Variants in HACE1 observed in about 807,000 individuals in gnomAD.
HACE1 encodes HECT domain and ankyrin repeat containing E3 ubiquitin protein ligase 1, also known as E3 ubiquitin-protein ligase HACE1.
A neutral mutation model predicts 118.4 loss-of-function variants in HACE1; 73 were observed. The observed-to-expected ratio is 0.62, with a 90% CI of 0.51 to 0.75. HACE1 has a LOEUF of 0.75. Ranked by LOEUF, HACE1 falls within the 30% of genes least tolerant of loss-of-function variation. The pLI is 0.00. For missense variants in HACE1, 749 were observed against 1,102.2 expected (o/e 0.68, Z 4.54); for synonymous variants, 368 against 374.8 (o/e 0.98, Z 0.21).
At chr6:104,748,236 A>G (rs1324374032) in intron 20 of HACE1, among the ~76,000 whole-genome samples, 2 of 126,346 alleles carry the variant, frequency 1.6e-5, no homozygotes, top group Non-Finnish European at 3.2e-5. Flanking sequence ...GAGTCCTACA[A>G]ATCAGTAAAA....
At chr6:104,758,463 A>C (rs374331795) in intron 19 of HACE1, among the ~76,000 whole-genome samples, 2 of 152,182 alleles carry the variant, frequency 1.3e-5, no homozygotes, top group East Asian at 1.9e-4. Context: ...TTCATAAGTG[A>C]AAGAGAAATA....
intron 1 of HACE1, 35 bp from the exon 2 acceptor site, chr6:104,852,406 C>CA: frequency 7.9e-7 from 1 of 1,266,770 alleles, no homozygotes; most frequent in Non-Finnish European, 1.2e-6. Flanking sequence ...CATTTATCCC[C>CA]TACTTTGTGC....
intron 4 of HACE1, among the ~76,000 whole-genome samples, chr6:104,844,376 CTT>C (rs1330655970): frequency 1.5e-5 from 2 of 135,400 alleles, no homozygotes; most frequent in African/African-American, 5.6e-5. Flanking sequence ...GAGTTTCACT[CTT>C]TGTTGCCCAG....
chr6:104,819,314 G>A (rs550512657), intron 6 of HACE1, among the ~76,000 whole-genome samples: 2 of 152,140 alleles, frequency 1.3e-5, no homozygotes, highest in Admixed American at 1.3e-4. Context: ...TAAAAACCTA[G>A]GAATACAACT....
At chr6:104,736,338 G>A (rs1165529012) in intron 22 of HACE1, among the ~76,000 whole-genome samples, 1 of 151,992 alleles carries the variant, frequency 6.6e-6, no homozygotes, top group Non-Finnish European at 1.5e-5. Context: ...CAGCTAGAGT[G>A]CAGTGGTGCA....
At chr6:104,811,441 A>G (rs755464650) in intron 6 of HACE1, 48 bp from the exon 7 acceptor site, 2 of 882,126 alleles carry the variant, frequency 2.3e-6, no homozygotes, top group East Asian at 5.0e-5. Flanking sequence ...AATCAAACAA[A>G]AGATACAATT....
At chr6:104,852,968 CACA>C (rs1355883373) in intron 1 of HACE1, among the ~76,000 whole-genome samples, 3 of 152,138 alleles carry the variant, frequency 2.0e-5, no homozygotes, top group African/African-American at 7.2e-5. Flanking sequence ...CCACTTTACT[CACA>C]ACATTTTTAT....
chr6:104,751,954 A>AC (rs1158967389), intron 19 of HACE1, among the ~76,000 whole-genome samples: 1 of 133,564 alleles, frequency 7.5e-6, no homozygotes, highest in Non-Finnish European at 1.6e-5. Flanking sequence ...AAAAAACCAA[A>AC]CAAAAAAAAA....
chr6:104,744,365 G>A, intron 21 of HACE1, 135 bp from the exon 22 acceptor site: 1 of 804,806 alleles, frequency 1.2e-6, no homozygotes. Context: ...TTCATGCAAA[G>A]CTTTCATATG....
intron 18 of HACE1, 103 bp downstream of exon 18, chr6:104,771,822 T>C (rs1049963626): frequency 1.2e-6 from 1 of 835,238 alleles, no homozygotes; most frequent in Non-Finnish European, 1.9e-6. Context: ...CCAATCAAAA[T>C]AAAAATTATC....
chr6:104,761,420 C>T (rs1779344552), intron 19 of HACE1, among the ~76,000 whole-genome samples: 1 of 152,196 alleles, frequency 6.6e-6, no homozygotes, highest in Non-Finnish European at 1.5e-5. Flanking sequence ...TGCTCTTTGA[C>T]AAATCCGACA....
At chr6:104,811,014 G>C (rs1054461782) in intron 7 of HACE1, among the ~76,000 whole-genome samples, 1 of 151,532 alleles carries the variant, frequency 6.6e-6, no homozygotes, top group African/African-American at 2.4e-5. Flanking sequence ...CAAATCAAAA[G>C]CTCCACATGT....
At chr6:104,817,776 C>G (rs1772273457) in intron 6 of HACE1, among the ~76,000 whole-genome samples, 1 of 152,182 alleles carries the variant, frequency 6.6e-6, no homozygotes, top group Non-Finnish European at 1.5e-5. Context: ...AACGTTATTA[C>G]AGTTCACTAC....
chr6:104,847,585 C>G (rs1775780727), intron 4 of HACE1, among the ~76,000 whole-genome samples: 2 of 152,292 alleles, frequency 1.3e-5, no homozygotes, highest in African/African-American at 4.8e-5. Flanking sequence ...CCAACCTAGG[C>G]AACACTATTG....
chr6:104,803,044 C>G (rs1476396936), intron 7 of HACE1, among the ~76,000 whole-genome samples: 4 of 152,148 alleles, frequency 2.6e-5, no homozygotes, highest in Non-Finnish European at 2.9e-5. Flanking sequence ...CACCACCAAT[C>G]CTACAGAAAT....
chr6:104,849,425 C>G (rs1450932170), intron 3 of HACE1, among the ~76,000 whole-genome samples, 179 bp from the exon 4 acceptor site: 1 of 152,158 alleles, frequency 6.6e-6, no homozygotes, highest in East Asian at 1.9e-4. Flanking sequence ...TAGCCTTGAC[C>G]TCCTGGGCTC....
At chr6:104,751,213 T>C (rs1172137468) in intron 19 of HACE1, among the ~76,000 whole-genome samples, 1 of 152,226 alleles carries the variant, frequency 6.6e-6, no homozygotes, top group Non-Finnish European at 1.5e-5. Flanking sequence ...GAATGTAATC[T>C]CTCTGCAGAC....
chr6:104,779,563 C>T (rs898642944), intron 14 of HACE1, among the ~76,000 whole-genome samples: 3 of 152,092 alleles, frequency 2.0e-5, no homozygotes, highest in South Asian at 2.1e-4. Context: ...TTAAATATCT[C>T]ATTTTCAGTT....
intron 22 of HACE1, among the ~76,000 whole-genome samples, chr6:104,737,997 C>CCTT (rs1318792664): frequency 6.6e-6 from 1 of 151,632 alleles, no homozygotes; most frequent in Non-Finnish European, 1.5e-5. Flanking sequence ...GGGCAGACTG[C>CCTT]CTCAAGTGGG....
Sources: gnomAD v4.1 joint callset for allele counts (sites outside exome capture counted in the v4.1 genomes callset) on GRCh38, gnomAD v4.1.1 for gene constraint, MANE v1.5 for transcripts, NCBI Gene and HGNC (gene_info 2026-07-23, HGNC 2026-07-21) for gene names.